Variants in ASB18 observed in about 807,000 individuals in gnomAD.
The protein encoded by ASB18 is ankyrin repeat and SOCS box protein 18.
Under a neutral mutation model 33.4 loss-of-function variants are expected in ASB18, and 33 were observed. That is an observed-to-expected ratio of 0.99 (90% CI 0.75 to 1.32). The LOEUF (loss-of-function observed/expected upper bound fraction) is 1.32. Ranked by LOEUF, ASB18 falls within the 40% of genes most tolerant of loss-of-function variation. The probability of loss-of-function intolerance (pLI) is 0.00; values close to 1 mark genes in which losing one functional copy is unlikely to be tolerated. For synonymous variants in ASB18, 295 were observed against 307.6 expected (o/e 0.96, Z 0.43); for missense variants, 694 against 655.5 (o/e 1.06, Z -0.64).
chr2:236,199,782 A>C (rs984323293), intron 4 of ASB18, among the ~76,000 whole-genome samples: 2 of 140,122 alleles, frequency 1.4e-5, no homozygotes, highest in Admixed American at 6.9e-5. Context: ...ATCTGATAAA[A>C]TTTGTTTTTT....
rs1314285055 is a variant in ASB18 at position 236,220,581 on chromosome 2, A to G, written c.597-5715T>C. Among the ~76,000 whole-genome samples, 1 of 143,180 alleles carries G rather than the reference A, an allele frequency of 7.0e-6. No homozygotes were observed. Among genetic ancestry groups the G allele is most frequent in the African/African-American group, 2.6e-5 (1 of 38,270 alleles). 93.9% of individuals were successfully genotyped at this position (143,180 alleles called of 152,430 possible). ...TTTTTTTTTTTTTAAACAACTATTT[A>G]TCTTTAGTCCCTGAAACAACTTTGC... On this transcript the variant is annotated intron_variant, in intron 3 of 5. Coordinates refer to ENST00000409749, the MANE Select transcript of ASB18 (RefSeq NM_212556.4). This position sits in a 1 kb window ranked among gnomAD's most constrained non-coding sequence, Gnocchi z 5.1.
chr2:236,262,569 G>A lies in ASB18; in HGVS notation c.205+1572C>T, dbSNP rs886492452. ...CCAACAGGAGCCAGAGGGCAAGTGGGACTGATGCAGTTTGCAGAGATCAGC... is the reference window on the plus strand; with the variant it reads ...CCAACAGGAGCCAGAGGGCAAGTGGAACTGATGCAGTTTGCAGAGATCAGC... On this transcript the variant is annotated intron_variant, in intron 1 of 5. Transcript: ENST00000409749. This position sits in a 1 kb window ranked among gnomAD's most constrained non-coding sequence, Gnocchi z 5.2. Among the ~76,000 whole-genome samples, 1 of 152,226 alleles carries A rather than the reference G, an allele frequency of 6.6e-6. No homozygotes were observed. The highest frequency in any genetic ancestry group is 1.5e-5 in the Non-Finnish European group (1 of 68,046).
rs2060414299 is a variant in ASB18 at position 236,203,233 on chromosome 2, T to C, written c.1102-6848A>G. 6.6e-6 allele frequency among the ~76,000 whole-genome samples: 1 copy of C among 152,024 alleles called. No homozygotes were observed. Among genetic ancestry groups the C allele is most frequent in the Admixed American group, 6.6e-5 (1 of 15,254 alleles). On this transcript the variant is annotated intron_variant, in intron 4 of 5. Coordinates refer to ENST00000409749, the MANE Select transcript of ASB18 (RefSeq NM_212556.4). The surrounding 1 kb of genome is among the most constrained non-coding windows in gnomAD (Gnocchi z 6.0). Reference sequence around the variant, plus strand: ...CAACAACAATACAGTGCTGTGGTCATATGAGGGGGAGTTCAGGGGAAGATT... The same window carrying C: ...CAACAACAATACAGTGCTGTGGTCACATGAGGGGGAGTTCAGGGGAAGATT...
Position 236,226,246 on chromosome 2 carries a change from T to A in ASB18, c.597-11380A>T, listed in dbSNP as rs1375504373. 4.6e-5 allele frequency among the ~76,000 whole-genome samples: 7 copies of A among 152,216 alleles called. No individual in the cohort carries two copies. Among genetic ancestry groups the A allele is most frequent in the South Asian group, 2.1e-4 (1 of 4,822 alleles). On this transcript the variant is annotated intron_variant, in intron 3 of 5. Transcript: ENST00000409749. The surrounding 1 kb of genome is among the most constrained non-coding windows in gnomAD (Gnocchi z 4.8). ...GACCTGCCAGCATATTCCATTATCA[T>A]CATTGATATTGAAGGGATTCTAAGT...
chr2:236,206,469 CA>C (rs1213812923), intron 4 of ASB18, among the ~76,000 whole-genome samples: 1 of 152,154 alleles, frequency 6.6e-6, no homozygotes, highest in Non-Finnish European at 1.5e-5. Flanking sequence ...ATTCTGAGGA[CA>C]AAGCTGACTC....
Position 236,239,089 on chromosome 2 carries a change from G to C in ASB18, c.329-1133C>G, listed in dbSNP as rs1276937959. ...CAGGGACATGGACCTGCATGGGTTT[G>C]AGCTGCCCTTCCCAGTGAAGACCAG... On this transcript the variant is annotated intron_variant, in intron 2 of 5. Transcript: ENST00000409749. This position sits in a 1 kb window ranked among gnomAD's most constrained non-coding sequence, Gnocchi z 5.6. 6.6e-6 allele frequency among the ~76,000 whole-genome samples: 1 copy of C among 152,168 alleles called. No homozygotes were observed. Among genetic ancestry groups the C allele is most frequent in the Non-Finnish European group, 1.5e-5 (1 of 68,030 alleles).
chr2:236,207,855 G>A (rs2060441874), intron 4 of ASB18, among the ~76,000 whole-genome samples: 1 of 149,066 alleles, frequency 6.7e-6, no homozygotes, highest in African/African-American at 2.5e-5. Context: ...CTGCCTGACA[G>A]CCTGGAAACT....
chr2:236,233,194 A>T (rs1378276829), intron 3 of ASB18, among the ~76,000 whole-genome samples: 1 of 152,162 alleles, frequency 6.6e-6, no homozygotes, highest in Non-Finnish European at 1.5e-5. Context: ...ATACCTCATG[A>T]TTATCTCCAT....
At position 236,220,651 on chromosome 2, in the gene ASB18, C is replaced by A. The variant is rs1385146377; in HGVS notation, c.597-5785G>T. On this transcript the variant is annotated intron_variant, in intron 3 of 5. Transcript: ENST00000409749. The surrounding 1 kb of genome is among the most constrained non-coding windows in gnomAD (Gnocchi z 5.1). ...GTTGGGGAAATTGAGGCTTAAAAGG[C>A]CAGTGACATGCATAAGGCAGGAAGT... is the stretch of plus-strand genomic sequence containing the variant. Among the ~76,000 whole-genome samples, 1 of 151,898 alleles carries A rather than the reference C, an allele frequency of 6.6e-6. No individual in the cohort carries two copies. The highest frequency in any genetic ancestry group is 2.4e-5 in the African/African-American group (1 of 41,320).
intron 1 of ASB18, chr2:236,254,151 A>C (rs1442184622): frequency 6.6e-6 from 1 of 152,210 alleles, no homozygotes; most frequent in Non-Finnish European, 1.5e-5. Flanking sequence ...TAAATGAAGG[A>C]GGTGGCTGAG....
Position 236,195,964 on chromosome 2 carries a change from C to A in ASB18, c.1215+308G>T. 2.5e-6 allele frequency: 1 copy of A among 403,804 alleles called. No individual in the cohort carries two copies. 25.0% of individuals were successfully genotyped at this position (403,804 alleles called of 1,614,324 possible). A position where few individuals can be genotyped will look rare whatever the true frequency, so the allele number is the denominator to read the frequency against. On this transcript the variant is annotated intron_variant, in intron 5 of 5. Transcript: ENST00000409749. The surrounding 1 kb of genome is among the most constrained non-coding windows in gnomAD (Gnocchi z 5.5). ...TAGTATGTCCTGACGTGGAGCTAGG[C>A]CCGTGGATTCAGGCGGCTCTGGCCT...
At chr2:236,202,859 G>T (rs557984237) in intron 4 of ASB18, among the ~76,000 whole-genome samples, 35 of 146,014 alleles carry the variant, frequency 2.4e-4, no homozygotes, top group Non-Finnish European at 4.2e-4. Flanking sequence ...TATCTTTTAT[G>T]TTCCGGATAT....
Position 236,250,055 on chromosome 2 carries a change from T to C in ASB18, c.206-8653A>G, listed in dbSNP as rs1443630515. 6.6e-6 allele frequency: 1 copy of C among 152,220 alleles called. No individual in the cohort carries two copies. The highest frequency in any genetic ancestry group is 1.5e-5 in the Non-Finnish European group (1 of 68,040). 9.4% of individuals were successfully genotyped at this position (152,220 alleles called of 1,614,324 possible). On this transcript the variant is annotated intron_variant, in intron 1 of 5. Transcript: ENST00000409749. This position sits in a 1 kb window ranked among gnomAD's most constrained non-coding sequence, Gnocchi z 4.1. ...TAGCTAATGAGAAGGAGTTTTTGCC[T>C]CTGGATCAAATGAGATGAAAAGGGT... is the stretch of plus-strand genomic sequence containing the variant.
rs553241019 is a variant in ASB18 at position 236,203,866 on chromosome 2, CA to C, written c.1102-7482del. On this transcript the variant is annotated intron_variant, in intron 4 of 5. Transcript: ENST00000409749. This position sits in a 1 kb window ranked among gnomAD's most constrained non-coding sequence, Gnocchi z 6.0. Reference sequence around the variant, plus strand: ...TAGGCAACAGAGTGACACCCCCTCTCAAAAACCAAACCAAACCAAACCAACC... The same window carrying C: ...TAGGCAACAGAGTGACACCCCCTCTCAAAACCAAACCAAACCAAACCAACC... 2.4e-4 allele frequency among the ~76,000 whole-genome samples: 37 copies of C among 152,150 alleles called. No individual in the cohort carries two copies. The highest frequency in any genetic ancestry group is 2.2e-3 in the Admixed American group (34 of 15,296).
Position 236,204,506 on chromosome 2 carries a change from T to A in ASB18, c.1102-8121A>T, listed in dbSNP as rs558306761. Among the ~76,000 whole-genome samples, 74 of 152,312 alleles carry A rather than the reference T, an allele frequency of 4.9e-4. No individual in the cohort carries two copies. Among genetic ancestry groups the A allele is most frequent in the Non-Finnish European group, 7.9e-4 (54 of 68,028 alleles). ...GGTGATCTTATCTGGTTTCCTGGCT[T>A]TAAATACCATCCTTTGTCACTGACC... On this transcript the variant is annotated intron_variant, in intron 4 of 5. Coordinates refer to ENST00000409749, the MANE Select transcript of ASB18 (RefSeq NM_212556.4). This position sits in a 1 kb window ranked among gnomAD's most constrained non-coding sequence, Gnocchi z 5.1.
At chr2:236,243,006 G>A (rs1454086689) in intron 1 of ASB18, among the ~76,000 whole-genome samples, 7 of 130,020 alleles carry the variant, frequency 5.4e-5, no homozygotes. Context: ...GGGCAGTGGA[G>A]TGAGACCCTG....
In ASB18 at chr2:236,255,141, T is replaced by C. The variant is rs968214781; in HGVS notation, c.205+9000A>G. 1.3e-5 allele frequency among the ~76,000 whole-genome samples: 2 copies of C among 152,162 alleles called. No individual in the cohort carries two copies. The highest frequency in any genetic ancestry group is 2.1e-4 in the South Asian group (1 of 4,816). ...AATTAAACCTCTGGTATTTCTTTCT[T>C]TTTCTTTTTTTTCTTTCTTTGAGAC... On this transcript the variant is annotated intron_variant, in intron 1 of 5. Transcript: ENST00000409749. The surrounding 1 kb of genome is among the most constrained non-coding windows in gnomAD (Gnocchi z 4.4).
At position 236,239,252 on chromosome 2, in the gene ASB18, G is replaced by T. The variant is rs1359659125; in HGVS notation, c.329-1296C>A. Among the ~76,000 whole-genome samples, 1 of 152,158 alleles carries T rather than the reference G, an allele frequency of 6.6e-6. No individual in the cohort carries two copies. Among genetic ancestry groups the T allele is most frequent in the Non-Finnish European group, 1.5e-5 (1 of 68,044 alleles). On this transcript the variant is annotated intron_variant, in intron 2 of 5. Coordinates refer to ENST00000409749, the MANE Select transcript of ASB18 (RefSeq NM_212556.4). The surrounding 1 kb of genome is among the most constrained non-coding windows in gnomAD (Gnocchi z 5.6). The stretch of plus-strand genomic sequence containing the variant: ...TTCTGAGAGATGAAAACTACTTACT[G>T]CCTTCTCTGGGAAATGCTAAATCCC...
rs2060430121 is a variant in ASB18 at position 236,205,863 on chromosome 2, G to A, written c.1101+8499C>T. 6.6e-6 allele frequency among the ~76,000 whole-genome samples: 1 copy of A among 152,172 alleles called. No individual in the cohort carries two copies. Among genetic ancestry groups the A allele is most frequent in the African/African-American group, 2.4e-5 (1 of 41,438 alleles). Reference sequence around the variant, plus strand: ...ATTGTCTTATGTTACTATTACAGCAGAAACATCTGAGTCCAGCCTGGTTTT... The same window carrying A: ...ATTGTCTTATGTTACTATTACAGCAAAAACATCTGAGTCCAGCCTGGTTTT... On this transcript the variant is annotated intron_variant, in intron 4 of 5. Transcript: ENST00000409749. This position sits in a 1 kb window ranked among gnomAD's most constrained non-coding sequence, Gnocchi z 5.4.
Sources: allele counts gnomAD v4.1 joint callset (sites outside exome capture counted in the v4.1 genomes callset), GRCh38; gene constraint gnomAD v4.1.1; non-coding constraint Gnocchi (gnomAD v3.1); transcripts MANE v1.5; gene names NCBI Gene and HGNC (gene_info 2026-07-23, HGNC 2026-07-21).